XYLT1: variants seen among roughly 807,000 people sequenced by gnomAD.
XYLT1 encodes beta-D-xylosyltransferase 1.
A neutral mutation model predicts 91.3 loss-of-function variants in XYLT1; 36 were observed. The ratio of observed to expected loss-of-function variants is 0.39; its 90% CI spans 0.30 to 0.52. The LOEUF (loss-of-function observed/expected upper bound fraction) is 0.52, where lower values mean the gene tolerates loss of function less well. Ranked by LOEUF, XYLT1 falls within the 20% of genes least tolerant of loss-of-function variation. XYLT1 has a pLI of 0.68. For synonymous variants in XYLT1, 588 were observed against 532.0 expected (o/e 1.11, Z -1.45); for missense variants, 1,242 against 1,284.5 (o/e 0.97, Z 0.51).
chr16:17,390,337 T>G (rs951194298), intron 1 of XYLT1, among the ~76,000 whole-genome samples: 1 of 152,142 alleles, frequency 6.6e-6, no homozygotes, highest in Non-Finnish European at 1.5e-5. Flanking sequence ...GGAATGAAAT[T>G]AATACTTCGG....
At chr16:17,463,123 C>A (rs1054786854) in intron 1 of XYLT1, among the ~76,000 whole-genome samples, 2 of 151,884 alleles carry the variant, frequency 1.3e-5, no homozygotes, top group Non-Finnish European at 2.9e-5. Flanking sequence ...GACTATGAGA[C>A]GACTAGAGAA....
intron 2 of XYLT1, among the ~76,000 whole-genome samples, chr16:17,357,492 A>G (rs1049775610): frequency 5.9e-5 from 9 of 152,078 alleles, no homozygotes; most frequent in Non-Finnish European, 1.0e-4. Context: ...CCCTTACAAG[A>G]CCCGCTGGTC....
At chr16:17,306,805 G>T (rs1486399347) in intron 2 of XYLT1, among the ~76,000 whole-genome samples, 2 of 152,060 alleles carry the variant, frequency 1.3e-5, no homozygotes, top group Admixed American at 6.6e-5. Context: ...GAGTTTCCTA[G>T]TCTTGAATGT....
chr16:17,234,585 CT>C (rs561574083), intron 3 of XYLT1, among the ~76,000 whole-genome samples: 2,961 of 142,112 alleles, frequency 0.021, 35 homozygotes, highest in Middle Eastern at 0.037. Context: ...ATTGACTACT[CT>C]TTTTTTTTTT....
chr16:17,304,298 G>C (rs1166688647), intron 2 of XYLT1, among the ~76,000 whole-genome samples: 1 of 152,150 alleles, frequency 6.6e-6, no homozygotes, highest in African/African-American at 2.4e-5. Flanking sequence ...CAGATGTGCT[G>C]GAATTCTGGC....
chr16:17,252,121 T>C (rs1392294534), intron 3 of XYLT1, among the ~76,000 whole-genome samples: 1 of 145,574 alleles, frequency 6.9e-6, no homozygotes, highest in Non-Finnish European at 1.5e-5. Context: ...GCAAAAGTAA[T>C]TGCAGAAAAA....
chr16:17,152,123 T>C lies in XYLT1; in HGVS notation c.1370+6706A>G, dbSNP rs542678124. 9.8e-4 allele frequency among the ~76,000 whole-genome samples: 149 copies of C among 152,300 alleles called. 1 individual carries two copies. Among genetic ancestry groups the C allele is most frequent in the African/African-American group, 3.4e-3 (142 of 41,566 alleles). On this transcript the variant is annotated intron_variant, in intron 6 of 11. Coordinates refer to ENST00000261381, the MANE Select transcript of XYLT1 (RefSeq NM_022166.4). Reference sequence around the variant, plus strand: ...TAGCCTTGATAGATGGTTTGGAACATAAAAAAATGCAAAGAAGAAAATAAA... The same window carrying C: ...TAGCCTTGATAGATGGTTTGGAACACAAAAAAATGCAAAGAAGAAAATAAA...
intron 3 of XYLT1, among the ~76,000 whole-genome samples, chr16:17,217,753 TA>T (rs1445985847): frequency 6.6e-6 from 1 of 152,138 alleles, no homozygotes; most frequent in Non-Finnish European, 1.5e-5. Flanking sequence ...GAATGAAAAG[TA>T]CGGGCGGCCA....
chr16:17,345,954 G>C (rs1244324340), intron 2 of XYLT1, among the ~76,000 whole-genome samples: 1 of 152,154 alleles, frequency 6.6e-6, no homozygotes, highest in Non-Finnish European at 1.5e-5. Context: ...GGGATTATAG[G>C]CGTGTGCCAC....
At chr16:17,429,893 T>A (rs1437205183) in intron 1 of XYLT1, among the ~76,000 whole-genome samples, 1 of 151,564 alleles carries the variant, frequency 6.6e-6, no homozygotes, top group Non-Finnish European at 1.5e-5. Flanking sequence ...TGCAGGGACT[T>A]CCCAAACTCC....
intron 1 of XYLT1, among the ~76,000 whole-genome samples, chr16:17,438,049 T>C (rs1360427114): frequency 1.3e-5 from 2 of 152,032 alleles, no homozygotes; most frequent in Non-Finnish European, 2.9e-5. Context: ...ATTAAAGAAA[T>C]GGAAAAGACG....
At chr16:17,219,682 C>T (rs1239460174) in intron 3 of XYLT1, among the ~76,000 whole-genome samples, 1 of 152,188 alleles carries the variant, frequency 6.6e-6, no homozygotes, top group African/African-American at 2.4e-5. Flanking sequence ...CACTCTGTCA[C>T]CCAGGCTGGA....
intron 1 of XYLT1, among the ~76,000 whole-genome samples, chr16:17,449,750 G>A (rs1430280916): frequency 1.3e-5 from 2 of 152,176 alleles, no homozygotes; most frequent in African/African-American, 4.8e-5. Flanking sequence ...GAACACAGGT[G>A]GACCTTAAGG....
At chr16:17,405,577 C>T (rs539979558) in intron 1 of XYLT1, among the ~76,000 whole-genome samples, 36 of 152,256 alleles carry the variant, frequency 2.4e-4, no homozygotes, top group African/African-American at 8.7e-4. Context: ...CCTCGGGGGC[C>T]GTAGCTTGCT....
At chr16:17,423,527 C>G (rs895105987) in intron 1 of XYLT1, among the ~76,000 whole-genome samples, 1 of 152,158 alleles carries the variant, frequency 6.6e-6, no homozygotes, top group Admixed American at 6.5e-5. Context: ...TCTGTGGGGA[C>G]AATCCCACGT....
chr16:17,232,566 A>C lies in XYLT1; in HGVS notation c.913+26422T>G, dbSNP rs115096387. 8.8e-3 allele frequency among the ~76,000 whole-genome samples: 1,335 copies of C among 151,468 alleles called. 23 individuals carry two copies. The highest frequency in any genetic ancestry group is 0.03 in the African/African-American group (1,254 of 41,204). Reference sequence around the variant, plus strand: ...GTTGATTATTGATTGATTGATGATGATGAAGATGGCGGTGGTGTTGGCAGT... The same window carrying C: ...GTTGATTATTGATTGATTGATGATGCTGAAGATGGCGGTGGTGTTGGCAGT... On this transcript the variant is annotated intron_variant, in intron 3 of 11. Transcript: ENST00000261381.
chr16:17,101,859 A>G lies in XYLT1; in HGVS notation c.*6836T>C, dbSNP rs1966705720. On this transcript the variant is annotated 3_prime_UTR_variant, in exon 12 of 12. Coordinates refer to ENST00000261381, the MANE Select transcript of XYLT1 (RefSeq NM_022166.4). ...CTAGCTGTTCCATTGGCCTGGTCACATGGTCACAGCTAAGAGCAAGGCAGT... is the reference window on the plus strand; with the variant it reads ...CTAGCTGTTCCATTGGCCTGGTCACGTGGTCACAGCTAAGAGCAAGGCAGT... 1 of 152,164 alleles carries G rather than the reference A, an allele frequency of 6.6e-6. No individual in the cohort carries two copies. Among genetic ancestry groups the G allele is most frequent in the Admixed American group, 6.5e-5 (1 of 15,272 alleles). The allele number at this position is 152,164 out of a possible 1,614,324, so 9.4% of individuals were successfully genotyped here. A position where few individuals can be genotyped will look rare whatever the true frequency, so the allele number is the denominator to read the frequency against.
intron 3 of XYLT1, among the ~76,000 whole-genome samples, chr16:17,207,676 A>G (rs2032679271): frequency 3.3e-5 from 5 of 152,034 alleles, no homozygotes; most frequent in Admixed American, 3.3e-4. Flanking sequence ...TGGTCTGTGG[A>G]CCCTTGCTCA....
Position 17,358,187 on chromosome 16 carries a change from T to A in XYLT1, c.364-137A>T. The A allele has an allele frequency of 4.7e-6, 4 of 858,580 alleles. No individual in the cohort carries two copies. In the East Asian group the frequency reaches 1.1e-4, roughly 24 times the overall value. 53.2% of individuals were successfully genotyped at this position (858,580 alleles called of 1,614,324 possible). On this transcript the variant is annotated intron_variant, in intron 1 of 11. Transcript: ENST00000261381. ...CTTTGTTGCCCAGGCTGGAGAGCAG[T>A]GGCATGATCATAGCTCACTCACTGC...
Sources: allele counts gnomAD v4.1 joint callset (sites outside exome capture counted in the v4.1 genomes callset), GRCh38; gene constraint gnomAD v4.1.1; transcripts MANE v1.5; gene names NCBI Gene and HGNC (gene_info 2026-07-23, HGNC 2026-07-21).